Variants in SLCO1B3 observed in about 807,000 individuals in gnomAD.
SLCO1B3 encodes the protein solute carrier organic anion transporter family member 1B3.
A neutral mutation model predicts 71.8 loss-of-function variants in SLCO1B3; 72 were observed. That is an observed-to-expected ratio of 1.00 (90% CI 0.83 to 1.22). The LOEUF (loss-of-function observed/expected upper bound fraction) is 1.22. SLCO1B3 is among the 50% of genes most tolerant of loss of function. SLCO1B3 has a pLI of 0.00. For missense variants in SLCO1B3, 911 were observed against 819.7 expected, an observed-to-expected ratio of 1.11 and a Z score of -1.36; for synonymous variants, 298 against 278.4, an observed-to-expected ratio of 1.07 and a Z score of -0.70.
chr12:20,856,236 CA>C (rs1840577413), intron 4 of SLCO1B3, among the ~76,000 whole-genome samples: 1 of 152,124 alleles, frequency 6.6e-6, no homozygotes, highest in Non-Finnish European at 1.5e-5. Context: ...ATTATTTGAA[CA>C]TCATTATCAG....
At chr12:20,885,893 A>C (rs1865784332) in intron 13 of SLCO1B3, among the ~76,000 whole-genome samples, 1 of 152,032 alleles carries the variant, frequency 6.6e-6, no homozygotes, top group Non-Finnish European at 1.5e-5. Flanking sequence ...GGCTTACCTG[A>C]GAAGATCACT....
At position 20,898,485 on chromosome 12, in the gene SLCO1B3, GT is replaced by G. The variant is rs1866061789; in HGVS notation, c.1734del (p.Ile579Ter). ...ACTTGCAATGGGTTTCCAGTCAATGGTTATAAGAACACTAGGTATGACAAAT... is the reference window on the plus strand; with the variant it reads ...ACTTGCAATGGGTTTCCAGTCAATGGTATAAGAACACTAGGTATGACAAAT... ...KALAMGFQSM[V>X]IRTLGGILAP... On this transcript the variant is annotated frameshift_variant, in exon 14 of 16. Transcript: ENST00000381545. LOFTEE classifies it high-confidence loss of function. 6.3e-7 allele frequency: 1 copy of G among 1,574,838 alleles called. No individual in the cohort carries two copies. The highest frequency in any genetic ancestry group is 8.7e-7 in the Non-Finnish European group (1 of 1,148,342).
intron 8 of SLCO1B3, among the ~76,000 whole-genome samples, chr12:20,873,334 G>T (rs1303427364): frequency 7.0e-6 from 1 of 142,408 alleles, no homozygotes; most frequent in Non-Finnish European, 1.6e-5. Context: ...GGAGCTAAGA[G>T]CTGAGATGTT....
At chr12:20,899,984 T>A (rs1271359357) in intron 14 of SLCO1B3, among the ~76,000 whole-genome samples, 1 of 152,154 alleles carries the variant, frequency 6.6e-6, no homozygotes, top group Non-Finnish European at 1.5e-5. Context: ...TGTATTAAAC[T>A]AAAAGAGGTA....
intron 3 of SLCO1B3, among the ~76,000 whole-genome samples, chr12:20,819,867 A>T (rs1864260549): frequency 6.6e-6 from 1 of 151,976 alleles, no homozygotes; most frequent in Non-Finnish European, 1.5e-5. Flanking sequence ...AAGGTGGGGG[A>T]ATACAAGAAG....
chr12:20,815,878 A>C (rs897141126), intron 3 of SLCO1B3, 56 bp downstream of exon 3: 22 of 1,106,080 alleles, frequency 2.0e-5, no homozygotes, highest in Non-Finnish European at 2.8e-5. Context: ...ATTTTTATGT[A>C]TAGAAAGGCC....
intron 3 of SLCO1B3, among the ~76,000 whole-genome samples, chr12:20,835,159 G>A (rs531263949): frequency 3.3e-5 from 5 of 152,230 alleles, no homozygotes; most frequent in African/African-American, 9.6e-5. Flanking sequence ...TGGCTGGAAT[G>A]CAGGGCACCA....
intron 3 of SLCO1B3, among the ~76,000 whole-genome samples, chr12:20,845,682 A>G (rs1864902584): frequency 6.6e-6 from 1 of 152,192 alleles, no homozygotes; most frequent in African/African-American, 2.4e-5. Context: ...TGATGACAAG[A>G]ATGTATATTC....
At chr12:20,833,340 C>T (rs937094872) in intron 3 of SLCO1B3, among the ~76,000 whole-genome samples, 1 of 151,586 alleles carries the variant, frequency 6.6e-6, no homozygotes, top group Non-Finnish European at 1.5e-5. Context: ...CTTTAAGGGT[C>T]ATTACTCTAC....
intron 3 of SLCO1B3, among the ~76,000 whole-genome samples, chr12:20,831,356 C>CAAAAAAAAAAAA (rs35410136): frequency 3.3e-5 from 3 of 91,212 alleles, no homozygotes; most frequent in East Asian, 3.2e-4. Flanking sequence ...GACGCCATAT[C>CAAAAAAAAAAAA]AAAAAAAAAA....
chr12:20,910,903 T>C lies in SLCO1B3; in HGVS notation c.1866-5101T>C, dbSNP rs192770812. ...ATATACATATGCAAACAAAGGTAGT[T>C]TTATTCCTTCCTTTCAATCTGTATA... On this transcript the variant is annotated intron_variant, in intron 15 of 15. Transcript: ENST00000381545. Among the ~76,000 whole-genome samples, 4 of 152,224 alleles carry C rather than the reference T, an allele frequency of 2.6e-5. No homozygotes were observed. The East Asian group carries it at 5.8e-4, about 22-fold the overall frequency.
chr12:20,822,912 T>C (rs1485322528), intron 3 of SLCO1B3, among the ~76,000 whole-genome samples: 1 of 152,214 alleles, frequency 6.6e-6, no homozygotes, highest in African/African-American at 2.4e-5. Context: ...CTTTTTCCTT[T>C]TAAAATCTTT....
chr12:20,907,492 C>T (rs1866273734), intron 15 of SLCO1B3, among the ~76,000 whole-genome samples: 1 of 128,348 alleles, frequency 7.8e-6, no homozygotes, highest in Admixed American at 8.4e-5. Context: ...TTCCTCTTCT[C>T]CTCCCTTCCC....
At chr12:20,861,961 C>T (rs916994989) in intron 6 of SLCO1B3, among the ~76,000 whole-genome samples, 23 of 151,898 alleles carry the variant, frequency 1.5e-4, no homozygotes, top group Non-Finnish European at 2.7e-4. Context: ...TATTTTGTAA[C>T]GACAAAAGAA....
chr12:20,883,205 GAA>G (rs981860436), intron 12 of SLCO1B3, among the ~76,000 whole-genome samples: 5 of 152,094 alleles, frequency 3.3e-5, no homozygotes, highest in African/African-American at 1.2e-4. Context: ...GTATATTAAT[GAA>G]AAAATTATAT....
At chr12:20,890,205 C>T (rs999046539) in intron 13 of SLCO1B3, among the ~76,000 whole-genome samples, 3 of 146,774 alleles carry the variant, frequency 2.0e-5, no homozygotes, top group Admixed American at 1.4e-4. Context: ...AGGTGTGAGC[C>T]ACCACACCCA....
intron 3 of SLCO1B3, among the ~76,000 whole-genome samples, chr12:20,825,164 G>C (rs1355738701): frequency 6.6e-6 from 1 of 151,986 alleles, no homozygotes; most frequent in Non-Finnish European, 1.5e-5. Context: ...ATTAAAAAGT[G>C]GGTTAATGCT....
chr12:20,875,401 G>A lies in SLCO1B3; in HGVS notation c.894G>A (p.Val298=), dbSNP rs1348687600. 6.2e-7 allele frequency: 1 copy of A among 1,608,584 alleles called. No individual in the cohort carries two copies. Reference sequence around the variant, plus strand: ...GAAAAATTTCACTATCATTGCATGTGCTGAAAACAAATGATGATAGAAATC... The same window carrying A: ...GAAAAATTTCACTATCATTGCATGTACTGAAAACAAATGATGATAGAAATC... ...KERKISLSLH[V]LKTNDDRNQT... is the part of the protein sequence containing the mutation. The change falls in exon 9 of 16, where the codon GTG becomes GTA. Residue 298 remains valine (V), a synonymous_variant. Transcript: ENST00000381545.
chr12:20,852,831 T>C (rs1865052094), intron 3 of SLCO1B3, among the ~76,000 whole-genome samples: 1 of 152,160 alleles, frequency 6.6e-6, no homozygotes, highest in African/African-American at 2.4e-5. Flanking sequence ...TTTTTTTTGG[T>C]AGAATCTTTA....
Sources: gnomAD v4.1 joint callset for allele counts (sites outside exome capture counted in the v4.1 genomes callset) on GRCh38, gnomAD v4.1.1 for gene constraint, MANE v1.5 for transcripts, NCBI Gene and HGNC (gene_info 2026-07-23, HGNC 2026-07-21) for gene names.